Variants in DLC1 observed in about 807,000 individuals in gnomAD.
DLC1 encodes DLC1 Rho GTPase activating protein, also known as rho GTPase-activating protein 7.
A neutral mutation model predicts 140.3 loss-of-function variants in DLC1; 54 were observed. That is an observed-to-expected ratio of 0.38 (90% CI 0.31 to 0.48). The LOEUF (loss-of-function observed/expected upper bound fraction) is 0.48. Among genes scored for constraint, DLC1 ranks in the 20% least tolerant of loss-of-function variants. The probability of loss-of-function intolerance (pLI) is 0.96; values close to 1 mark genes in which losing one functional copy is unlikely to be tolerated. For missense variants in DLC1, 2,536 were observed against 1,907.0 expected (o/e 1.33, Z -6.14); for synonymous variants, 986 against 728.1 (o/e 1.35, Z -5.70).
At chr8:13,422,855 A>G (rs1437707280) in intron 2 of DLC1, among the ~76,000 whole-genome samples, 1 of 152,152 alleles carries the variant, frequency 6.6e-6, no homozygotes, top group Admixed American at 6.6e-5. Flanking sequence ...AGCAAACAAA[A>G]CAAAAAGATT....
intron 7 of DLC1, among the ~76,000 whole-genome samples, chr8:13,103,465 G>A (rs1482420986): frequency 6.6e-6 from 1 of 151,938 alleles, no homozygotes; most frequent in East Asian, 1.9e-4. Context: ...CTCTCAATGA[G>A]TTGTTCTTAC....
chr8:13,561,547 A>C (rs1022599461), intron 1 of DLC1, among the ~76,000 whole-genome samples: 4 of 152,222 alleles, frequency 2.6e-5, no homozygotes, highest in African/African-American at 7.2e-5. Context: ...TATTCTGGCA[A>C]TATTGAAGGA....
intron 5 of DLC1, among the ~76,000 whole-genome samples, chr8:13,120,370 T>TATATATATAAATAA (rs369581778): frequency 9.0e-6 from 1 of 110,874 alleles, no homozygotes; most frequent in Non-Finnish European, 1.9e-5. Context: ...TATATATATA[T>TATATATATAAATAA]AAAATGTATA....
intron 1 of DLC1, chr8:13,567,732 A>G (rs975341145): frequency 7.6e-5 from 118 of 1,552,016 alleles, no homozygotes; most frequent in Non-Finnish European, 1.0e-4. Flanking sequence ...TTGGAGAAGC[A>G]CATCAAGACT....
chr8:13,468,811 C>CTTTTTTTTTTTTTTT lies in DLC1; in HGVS notation c.1023+30223_1023+30237dup, dbSNP rs78775803. 8.6e-4 allele frequency among the ~76,000 whole-genome samples: 77 copies of CTTTTTTTTTTTTTTT among 89,962 alleles called. 14 individuals carry two copies. The highest frequency in any genetic ancestry group is 2.1e-3 in the East Asian group (5 of 2,398). The allele number at this position is 89,962 out of a possible 152,430, so 59.0% of individuals were successfully genotyped here. On this transcript the variant is annotated intron_variant, in intron 2 of 17. Transcript: ENST00000276297. Reference sequence around the variant, plus strand: ...GTTGATTCTCCCAATTTTATGTCTGCTTTTTTTTTTTTTTTTTTTTTTTTT... The same window carrying CTTTTTTTTTTTTTTT: ...GTTGATTCTCCCAATTTTATGTCTGCTTTTTTTTTTTTTTTTTTTTTTTTTTTTTTTTTTTTTTTT...
intron 5 of DLC1, among the ~76,000 whole-genome samples, chr8:13,140,314 C>T (rs1459755865): frequency 6.6e-6 from 1 of 152,104 alleles, no homozygotes; most frequent in Non-Finnish European, 1.5e-5. Context: ...CTCACTGCAG[C>T]CTCAAACTCC....
chr8:13,257,437 A>C (rs1319385315), intron 5 of DLC1, among the ~76,000 whole-genome samples: 2 of 74,152 alleles, frequency 2.7e-5, no homozygotes, highest in Non-Finnish European at 5.5e-5. Flanking sequence ...ACCCTGTCTC[A>C]GGAAAAAAAA....
At chr8:13,093,175 T>A (rs1459395874) in intron 12 of DLC1, among the ~76,000 whole-genome samples, 1 of 152,100 alleles carries the variant, frequency 6.6e-6, no homozygotes, top group East Asian at 1.9e-4. Context: ...AATTTATCAA[T>A]CTCAATTACT....
At chr8:13,213,407 T>C in intron 5 of DLC1, among the ~76,000 whole-genome samples, 1 of 152,210 alleles carries the variant, frequency 6.6e-6, no homozygotes, top group East Asian at 1.9e-4. Flanking sequence ...GAATAATGTC[T>C]TCCCAAGTTA....
At chr8:13,527,817 T>C (rs1408809741) in intron 1 of DLC1, among the ~76,000 whole-genome samples, 1 of 152,176 alleles carries the variant, frequency 6.6e-6, no homozygotes, top group Non-Finnish European at 1.5e-5. Context: ...ACTAGGGGAA[T>C]TTCTTTAGAG....
rs184857775 is a variant in DLC1 at position 13,531,033 on chromosome 8, T to C, written c.-125-30837A>G. The stretch of plus-strand genomic sequence containing the variant: ...AGAGTGACTCTCATGATAGGCTTAG[T>C]GGCTTCATATGAAGAGGAGGAGATC... On this transcript the variant is annotated intron_variant, in intron 1 of 1. Transcript: ENST00000631382. 6.8e-3 allele frequency among the ~76,000 whole-genome samples: 1,029 copies of C among 152,134 alleles called. 12 individuals carry two copies. Among genetic ancestry groups the C allele is most frequent in the Middle Eastern group, 0.014 (4 of 294 alleles).
At chr8:13,094,553 C>G (rs1818347483) in intron 12 of DLC1, among the ~76,000 whole-genome samples, 1 of 152,102 alleles carries the variant, frequency 6.6e-6, no homozygotes, top group Non-Finnish European at 1.5e-5. Flanking sequence ...GTAGTCCCAG[C>G]CACTTGGGAG....
chr8:13,260,355 C>T (rs999117879), intron 5 of DLC1, among the ~76,000 whole-genome samples: 2 of 152,000 alleles, frequency 1.3e-5, no homozygotes, highest in African/African-American at 4.8e-5. Flanking sequence ...GGTTGTAGAA[C>T]TAAAAAGGAA....
intron 4 of DLC1, among the ~76,000 whole-genome samples, chr8:13,343,403 C>G (rs182401765): frequency 1.1e-4 from 17 of 152,196 alleles, no homozygotes; most frequent in African/African-American, 3.9e-4. Context: ...GTTATGATAA[C>G]TGAATGGAAA....
chr8:13,430,923 A>G (rs1838832519), intron 2 of DLC1, among the ~76,000 whole-genome samples: 1 of 152,234 alleles, frequency 6.6e-6, no homozygotes, highest in Non-Finnish European at 1.5e-5. Flanking sequence ...AAGAGTTATA[A>G]CATGGCATGT....
intron 5 of DLC1, among the ~76,000 whole-genome samples, chr8:13,129,076 C>T (rs13279405): frequency 0.23 from 34,797 of 152,006 alleles, 4,227 homozygotes; most frequent in Non-Finnish European, 0.24. Flanking sequence ...ACAGAAGGAG[C>T]CCTTCTCAGC....
At position 13,100,622 on chromosome 8, in the gene DLC1, G is replaced by C. The variant is rs371470170; in HGVS notation, c.1715C>G (p.Pro572Arg). The C allele has an allele frequency of 2.5e-6, 4 of 1,613,966 alleles. No homozygotes were observed. In the African/African-American group the frequency reaches 4.0e-5, roughly 16 times the overall value. The change falls in exon 9 of 18, where the codon CCG (proline) becomes CGG (arginine). Residue 572 changes from proline to arginine, a missense_variant. Transcript: ENST00000276297. ...LVPGSPDDSH[P>R]KDGPSPGGTL... is the part of the protein sequence containing the mutation. ...GCCTCCGGGGCTGGGGCCGTCCTTC[G>C]GGTGGGAGTCGTCTGGGGACCCAGG...
chr8:13,300,080 C>G lies in DLC1; in HGVS notation c.1348+5189G>C, dbSNP rs561356461. On this transcript the variant is annotated intron_variant, in intron 5 of 17. Coordinates refer to ENST00000276297, the MANE Select transcript of DLC1 (RefSeq NM_182643.3). ...GGATAAAGAAAATGTGGTACATATA[C>G]ACCATGGAATACAACGCAGCCAAAA... 6.6e-5 allele frequency among the ~76,000 whole-genome samples: 10 copies of G among 152,288 alleles called. No homozygotes were observed. In the South Asian group the frequency reaches 2.1e-3, roughly 32 times the overall value.
intron 5 of DLC1, among the ~76,000 whole-genome samples, chr8:13,235,636 A>T (rs1829240100): frequency 2.0e-5 from 3 of 152,036 alleles, no homozygotes; most frequent in Non-Finnish European, 4.4e-5. Flanking sequence ...GGTTTAACTC[A>T]CAGGGTAACT....
Sources: gnomAD v4.1 joint callset for allele counts (sites outside exome capture counted in the v4.1 genomes callset) on GRCh38, gnomAD v4.1.1 for gene constraint, MANE v1.5 for transcripts, NCBI Gene and HGNC (gene_info 2026-07-23, HGNC 2026-07-21) for gene names.